Variants in DAOA observed in about 807,000 individuals in gnomAD.
The protein encoded by DAOA is D-amino acid oxidase activator.
In DAOA, 15 loss-of-function variants were observed where a neutral mutation model predicts 16.4. The observed-to-expected ratio is 0.91, with a 90% CI of 0.61 to 1.41. DAOA has a LOEUF of 1.41. DAOA is among the 40% of genes most tolerant of loss of function. The probability of loss-of-function intolerance (pLI) is 0.00; values close to 1 mark genes in which losing one functional copy is unlikely to be tolerated. For synonymous variants in DAOA, 75 were observed against 59.1 expected (o/e 1.27, Z -1.23); for missense variants, 230 against 176.8 (o/e 1.30, Z -1.71).
intron 4 of DAOA, among the ~76,000 whole-genome samples, chr13:105,486,769 C>A (rs1878141499): frequency 6.6e-6 from 1 of 152,066 alleles, no homozygotes; most frequent in Admixed American, 6.5e-5. Flanking sequence ...CAGGCATCCA[C>A]AACCAAGCCT....
chr13:105,475,011 TGTCATTTTAAAA>T (rs1877237330), intron 4 of DAOA: 1 of 985,742 alleles, frequency 1.0e-6, no homozygotes, highest in Non-Finnish European at 1.2e-6. Context: ...CAATTTGCAC[TGTCATTTTAAAA>T]GAATTTCTCA....
intron 4 of DAOA, among the ~76,000 whole-genome samples, chr13:105,486,297 A>G (rs1247187630): frequency 5.3e-5 from 8 of 151,906 alleles, no homozygotes; most frequent in Admixed American, 4.6e-4. Flanking sequence ...CTTGCTCTTT[A>G]GTTGTCCTAC....
At chr13:105,488,162 C>A (rs918527613) in intron 4 of DAOA, among the ~76,000 whole-genome samples, 1 of 152,178 alleles carries the variant, frequency 6.6e-6, no homozygotes, top group Admixed American at 6.5e-5. Context: ...TAATTTCAAT[C>A]TGGTCTTCTT....
At chr13:105,469,925 CTT>C (rs1480614229) in intron 3 of DAOA, among the ~76,000 whole-genome samples, 2 of 152,010 alleles carry the variant, frequency 1.3e-5, no homozygotes, top group Admixed American at 1.3e-4. Context: ...CACTCTATGT[CTT>C]TTTTTATTCC....
rs1417169557 is a variant in DAOA at position 105,466,329 on chromosome 13, T to G, written c.41T>G (p.Phe14Cys). Reference protein sequence around the residue: ...KLMGADSLQLFRSRYTLGKIY... With the variant: ...KLMGADSLQLCRSRYTLGKIY... Reference sequence around the variant, plus strand: ...ATGGGTGCTGATTCTCTCCAGCTTTTCAGGTAGGTAGCTTGGGGTTTTTTA... The same window carrying G: ...ATGGGTGCTGATTCTCTCCAGCTTTGCAGGTAGGTAGCTTGGGGTTTTTTA... The change falls in exon 2 of 6, where the codon TTC (phenylalanine) becomes TGC (cysteine). Residue 14 changes from phenylalanine (F) to cysteine (C), a missense_variant. Coordinates refer to ENST00000375936, the MANE Select transcript of DAOA (RefSeq NM_172370.5). 6.2e-7 allele frequency: 1 copy of G among 1,614,096 alleles called. No homozygotes were observed. The highest frequency in any genetic ancestry group is 2.2e-5 in the East Asian group (1 of 44,876).
intron 4 of DAOA, among the ~76,000 whole-genome samples, chr13:105,474,567 G>A (rs118103551): frequency 2.0e-5 from 3 of 151,926 alleles, no homozygotes; most frequent in South Asian, 4.1e-4. Flanking sequence ...ATTATTTCAC[G>A]GTGAAATTAA....
chr13:105,489,066 C>A (rs145245285), intron 4 of DAOA, among the ~76,000 whole-genome samples: 1 of 152,128 alleles, frequency 6.6e-6, no homozygotes, highest in South Asian at 2.1e-4. Flanking sequence ...TGGTAGAGCC[C>A]GGATACTGTG....
In DAOA at chr13:105,490,896, G is replaced by A. The variant is rs1878473064; in HGVS notation, c.*112-16G>A. On this transcript the variant is annotated splice_polypyrimidine_tract_variant and intron_variant, in intron 5 of 5. Coordinates refer to ENST00000375936, the MANE Select transcript of DAOA (RefSeq NM_172370.5). ...AAAAAAGTTTTCTTATTATTGTTTT[G>A]TTTCCTTGTTTTTAGGTGATGGGAT... The A allele has an allele frequency of 6.6e-6, 1 of 151,768 alleles. No individual in the cohort carries two copies. Among genetic ancestry groups the A allele is most frequent in the African/African-American group, 2.4e-5 (1 of 41,324 alleles). The allele number at this position is 151,768 out of a possible 1,614,324, so 9.4% of individuals were successfully genotyped here.
At chr13:105,472,012 A>T (rs1876986596) in intron 3 of DAOA, among the ~76,000 whole-genome samples, 1 of 152,184 alleles carries the variant, frequency 6.6e-6, no homozygotes, top group South Asian at 2.1e-4. Flanking sequence ...AAGAACTCAT[A>T]AAATACTAAT....
chr13:105,484,598 T>C (rs1257556455), intron 4 of DAOA, among the ~76,000 whole-genome samples: 4 of 152,312 alleles, frequency 2.6e-5, no homozygotes, highest in South Asian at 2.1e-4. Context: ...TTTTTTAAAA[T>C]TCAATTACAT....
At chr13:105,488,675 AC>A (rs1456982976) in intron 4 of DAOA, among the ~76,000 whole-genome samples, 1 of 152,126 alleles carries the variant, frequency 6.6e-6, no homozygotes, top group African/African-American at 2.4e-5. Flanking sequence ...GCACAATAAA[AC>A]CCTGCTTACT....
intron 2 of DAOA, 85 bp from the exon 3 acceptor site, chr13:105,466,968 T>C: frequency 4.0e-6 from 6 of 1,487,248 alleles, no homozygotes; most frequent in Non-Finnish European, 5.4e-6. Context: ...ACATGTTATA[T>C]GCTCCATTGA....
At chr13:105,484,709 A>C (rs1566382578) in intron 4 of DAOA, among the ~76,000 whole-genome samples, 1 of 152,122 alleles carries the variant, frequency 6.6e-6, no homozygotes, top group Non-Finnish European at 1.5e-5. Context: ...ACCTTTTTGT[A>C]TGTTTCATAG....
chr13:105,471,164 A>T (rs1355543632), intron 3 of DAOA, among the ~76,000 whole-genome samples: 1 of 152,162 alleles, frequency 6.6e-6, no homozygotes, highest in Non-Finnish European at 1.5e-5. Context: ...ACCTCAGGTG[A>T]TCCGCCCCCC....
chr13:105,489,202 T>A (rs141467481), intron 4 of DAOA, among the ~76,000 whole-genome samples: 1 of 152,184 alleles, frequency 6.6e-6, no homozygotes, highest in Non-Finnish European at 1.5e-5. Flanking sequence ...AGAGTAACAT[T>A]TGCATGTAAG....
chr13:105,476,820 TC>T (rs1270191374), intron 4 of DAOA, among the ~76,000 whole-genome samples: 2 of 151,324 alleles, frequency 1.3e-5, no homozygotes, highest in Non-Finnish European at 3.0e-5. Context: ...TGCCTCAGTT[TC>T]TCCAGGCTCC....
chr13:105,480,527 C>CATACATAGATAG (rs1555306727), intron 4 of DAOA, among the ~76,000 whole-genome samples: 7 of 146,640 alleles, frequency 4.8e-5, no homozygotes, highest in African/African-American at 1.8e-4. Flanking sequence ...TGGATAGATA[C>CATACATAGATAG]ATAGATAGAT....
At chr13:105,466,393 C>T in intron 2 of DAOA, 61 bp downstream of exon 2, 1 of 1,610,650 alleles carries the variant, frequency 6.2e-7, no homozygotes, top group Non-Finnish European at 8.5e-7. Context: ...ATTTGCATGG[C>T]AGCACAGAGC....
chr13:105,470,531 T>C (rs1198844932), intron 3 of DAOA, among the ~76,000 whole-genome samples: 3 of 152,208 alleles, frequency 2.0e-5, no homozygotes, highest in African/African-American at 7.2e-5. Flanking sequence ...AGCACAATTA[T>C]TTTAGAAATT....
Sources: allele counts gnomAD v4.1 joint callset (sites outside exome capture counted in the v4.1 genomes callset), GRCh38; gene constraint gnomAD v4.1.1; transcripts MANE v1.5; gene names NCBI Gene and HGNC (gene_info 2026-07-23, HGNC 2026-07-21).